PCNX2: variants seen among roughly 807,000 people sequenced by gnomAD.
PCNX2 encodes pecanex-like protein 2.
A neutral mutation model predicts 223.8 loss-of-function variants in PCNX2; 168 were observed. That is an observed-to-expected ratio of 0.75 (90% CI 0.66 to 0.85). The LOEUF is 0.85. PCNX2 is among the 40% of genes least tolerant of loss of function. The pLI is 0.00. For synonymous variants in PCNX2, 1,006 were observed against 1,052.6 expected, an observed-to-expected ratio of 0.96 and a Z score of 0.86; for missense variants, 2,507 against 2,675.5, an observed-to-expected ratio of 0.94 and a Z score of 1.39.
At chr1:233,041,433 C>T (rs1032936464) in intron 25 of PCNX2, among the ~76,000 whole-genome samples, 1 of 152,140 alleles carries the variant, frequency 6.6e-6, no homozygotes, top group Non-Finnish European at 1.5e-5. Flanking sequence ...AGTCAAAATG[C>T]GGGTGCACAG....
intron 22 of PCNX2, among the ~76,000 whole-genome samples, chr1:233,095,065 G>C (rs941124424): frequency 1.3e-5 from 2 of 152,128 alleles, no homozygotes; most frequent in African/African-American, 4.8e-5. Flanking sequence ...CTTTCTTCAA[G>C]AGTATTTTTA....
chr1:233,320,540 T>A, the PCNX2 span, among the ~76,000 whole-genome samples: 1 of 152,206 alleles, frequency 6.6e-6, no homozygotes, highest in Non-Finnish European at 1.5e-5. Context: ...TAACCACTAA[T>A]CTTTTCTAAG....
chr1:233,247,334 C>A (rs1659183342), intron 8 of PCNX2, among the ~76,000 whole-genome samples: 1 of 152,144 alleles, frequency 6.6e-6, no homozygotes, highest in Non-Finnish European at 1.5e-5. Context: ...TAACAAAGTC[C>A]CCTCTATTTT....
Position 233,259,055 on chromosome 1 carries a change from T to C in PCNX2, c.807A>G (p.Thr269=), listed in dbSNP as rs769715235. ...TCCCCCACGGCTGGAAAGAAACGTC[T>C]GTTTCTAGTAAGTCATACTGAGACA... ...LSLSQYDLLE[T]DVSFQPWGSE... Residue 269 remains threonine, a synonymous_variant, in exon 5 of 34, where the codon ACA becomes ACG. Coordinates refer to ENST00000258229, the MANE Select transcript of PCNX2 (RefSeq NM_014801.4). 1.2e-6 allele frequency: 2 copies of C among 1,613,996 alleles called. No individual in the cohort carries two copies. Among genetic ancestry groups the C allele is most frequent in the South Asian group, 1.1e-5 (1 of 91,086 alleles).
intron 13 of PCNX2, chr1:233,202,154 C>G: frequency 2.2e-6 from 1 of 464,166 alleles, no homozygotes; most frequent in Non-Finnish European, 4.5e-6. Flanking sequence ...GTTATGTTAC[C>G]AGGACTTCAG....
At chr1:233,013,583 G>A (rs1182002127) in intron 28 of PCNX2, among the ~76,000 whole-genome samples, 3 of 152,126 alleles carry the variant, frequency 2.0e-5, no homozygotes, top group Non-Finnish European at 4.4e-5. Flanking sequence ...CCCACCTAAC[G>A]TCACAAAACT....
At chr1:233,201,579 AAT>A (rs1681119843) in intron 13 of PCNX2, 1 of 152,258 alleles carries the variant, frequency 6.6e-6, no homozygotes, top group Non-Finnish European at 1.5e-5. Context: ...AAAACCCAGC[AAT>A]AACAATTTTG....
Position 233,194,374 on chromosome 1 carries a change from C to G in PCNX2, c.3066+4565G>C, listed in dbSNP as rs1003581361. 2.6e-5 allele frequency among the ~76,000 whole-genome samples: 4 copies of G among 151,802 alleles called. No homozygotes were observed. In the South Asian group the frequency reaches 6.2e-4, roughly 24 times the overall value. On this transcript the variant is annotated intron_variant, in intron 15 of 33. Coordinates refer to ENST00000258229, the MANE Select transcript of PCNX2 (RefSeq NM_014801.4). ...AAAGTTTATGACTAGCAGACCTGCA[C>G]CATGAGATTTCCTAAAGAAAGTTCT...
rs375933941 is a variant in PCNX2, at chr1:232,986,293, G to A, written c.6039C>T (p.Ala2013=). 3 of 1,568,468 alleles carry A rather than the reference G, an allele frequency of 1.9e-6. No individual in the cohort carries two copies. The highest frequency in any genetic ancestry group is 1.7e-6 in the Non-Finnish European group (2 of 1,157,666). ...TTGHLSVRER[A]EALIRSSLGS... The stretch of plus-strand genomic sequence containing the variant: ...CCAGGCTGGACCTGATGAGCGCCTC[G>A]GCCCGCTCACGGACACTCAGGTGGC... The change falls in exon 33 of 34, where the codon GCC becomes GCT. Residue 2013 remains alanine, a synonymous_variant. Coordinates refer to ENST00000258229, the MANE Select transcript of PCNX2 (RefSeq NM_014801.4).
Position 233,118,129 on chromosome 1 carries a change from T to C in PCNX2, c.3837+16884A>G, listed in dbSNP as rs558880130. Among the ~76,000 whole-genome samples the C allele has an allele frequency of 2.0e-5, 3 of 151,974 alleles. No homozygotes were observed. In the South Asian group the frequency reaches 6.2e-4, roughly 32 times the overall value. On this transcript the variant is annotated intron_variant, in intron 21 of 33. Coordinates refer to ENST00000258229, the MANE Select transcript of PCNX2 (RefSeq NM_014801.4). The stretch of plus-strand genomic sequence containing the variant: ...ATCCACTTATTAACAGGCTAAAGAA[T>C]AAAAATCACAGAATTACATCACCCA...
intron 10 of PCNX2, among the ~76,000 whole-genome samples, chr1:233,226,286 G>A (rs2102944238): frequency 6.6e-6 from 1 of 152,064 alleles, no homozygotes; most frequent in Non-Finnish European, 1.5e-5. Context: ...TGGGTGGGGG[G>A]GAGATTAAGT....
chr1:233,152,367 T>C (rs1395505571), intron 19 of PCNX2, among the ~76,000 whole-genome samples: 1 of 152,174 alleles, frequency 6.6e-6, no homozygotes, highest in African/African-American at 2.4e-5. Context: ...TAAAGACACT[T>C]TGAAGAGTTT....
chr1:233,256,862 G>A (rs1164458839), intron 5 of PCNX2, among the ~76,000 whole-genome samples: 2 of 152,186 alleles, frequency 1.3e-5, no homozygotes, highest in Non-Finnish European at 2.9e-5. Context: ...AACCAGTATG[G>A]AGCCAGAGGA....
chr1:233,127,107 C>T (rs1676147241), intron 21 of PCNX2, among the ~76,000 whole-genome samples: 1 of 152,170 alleles, frequency 6.6e-6, no homozygotes, highest in Non-Finnish European at 1.5e-5. Context: ...GTCTTCTCAT[C>T]GTTTACTCAC....
At chr1:233,239,198 A>G (rs571742113) in intron 8 of PCNX2, among the ~76,000 whole-genome samples, 1 of 152,326 alleles carries the variant, frequency 6.6e-6, no homozygotes, top group East Asian at 1.9e-4. Context: ...AGAGTGGGAA[A>G]AGAAATGTAC....
chr1:233,062,230 C>A (rs2102887482), intron 23 of PCNX2, among the ~76,000 whole-genome samples: 1 of 152,230 alleles, frequency 6.6e-6, no homozygotes, highest in East Asian at 1.9e-4. Flanking sequence ...CTTCATATCC[C>A]ATGGGCACCT....
At position 233,259,228 on chromosome 1, in the gene PCNX2, C is replaced by A. The variant is rs375188819; in HGVS notation, c.634G>T (p.Val212Leu). The A allele has an allele frequency of 1.1e-5, 17 of 1,613,844 alleles. No homozygotes were observed. The highest frequency in any genetic ancestry group is 1.3e-5 in the African/African-American group (1 of 74,910). The change falls in exon 5 of 34, where the codon GTA (valine) becomes TTA (leucine). Residue 212 changes from valine to leucine, a missense_variant. Coordinates refer to ENST00000258229, the MANE Select transcript of PCNX2 (RefSeq NM_014801.4). ...AHMLETTTKSVIPVKPVATET... is the reference protein window; with the variant it reads ...AHMLETTTKSLIPVKPVATET... The stretch of plus-strand genomic sequence containing the variant: ...GTGGCAACTGGTTTTACAGGTATTA[C>A]TGACTTGGTCGTGGTTTCCAGCATG...
chr1:233,288,803 CCTTTT>C, intron 1 of PCNX2: 333 of 655,306 alleles, frequency 5.1e-4, no homozygotes, highest in Non-Finnish European at 6.5e-4. Flanking sequence ...GGAAAGATGC[CCTTTT>C]TTTTTTTTTT....
intron 14 of PCNX2, 78 bp from the exon 15 acceptor site, chr1:233,199,108 G>GT: frequency 7.5e-7 from 1 of 1,337,578 alleles, no homozygotes; most frequent in African/African-American, 1.5e-5. Context: ...TGAAGAGATG[G>GT]TTGCACATTC....
Sources: gnomAD v4.1 joint callset for allele counts (sites outside exome capture counted in the v4.1 genomes callset) on GRCh38, gnomAD v4.1.1 for gene constraint, MANE v1.5 for transcripts, NCBI Gene and HGNC (gene_info 2026-07-23, HGNC 2026-07-21) for gene names.